PIP5K1B: variants seen among roughly 807,000 people sequenced by gnomAD.
PIP5K1B encodes phosphatidylinositol 4-phosphate 5-kinase type-1 beta.
A neutral mutation model predicts 67.0 loss-of-function variants in PIP5K1B; 42 were observed. That is an observed-to-expected ratio of 0.63 (90% CI 0.49 to 0.81). The LOEUF (loss-of-function observed/expected upper bound fraction) is 0.81, where lower values mean the gene tolerates loss of function less well. PIP5K1B is among the 30% of genes least tolerant of loss of function. The pLI is 0.00. For missense variants in PIP5K1B, 459 were observed against 646.3 expected (o/e 0.71, Z 3.14); for synonymous variants, 214 against 231.4 (o/e 0.92, Z 0.68).
Position 68,993,919 on chromosome 9 carries a change from C to T in PIP5K1B, c.1620+2662C>T, listed in dbSNP as rs187794216. ...TTATTGACCATAAATATAAGTCTCA[C>T]GTCCATCTCATTGGAATCATGTGTC... On this transcript the variant is annotated intron_variant, in intron 15 of 15. Transcript: ENST00000265382. Among the ~76,000 whole-genome samples the T allele has an allele frequency of 1.6e-3, 239 of 151,976 alleles. 4 individuals are homozygous for T. The highest frequency in any genetic ancestry group is 3.2e-4 in the Non-Finnish European group (22 of 67,998).
chr9:68,815,544 T>G (rs1015131650), intron 2 of PIP5K1B, among the ~76,000 whole-genome samples: 1 of 152,044 alleles, frequency 6.6e-6, no homozygotes, highest in East Asian at 1.9e-4. Flanking sequence ...TTTATGGCAA[T>G]AAAATTTGAA....
intron 6 of PIP5K1B, among the ~76,000 whole-genome samples, chr9:68,882,917 A>T (rs901759399): frequency 6.6e-6 from 1 of 152,182 alleles, no homozygotes; most frequent in Non-Finnish European, 1.5e-5. Context: ...CATGGGCAGT[A>T]GGCTGAGAAC....
chr9:68,707,795 A>G (rs1827193461), intron 1 of PIP5K1B: 1 of 152,200 alleles, frequency 6.6e-6, no homozygotes, highest in Non-Finnish European at 1.5e-5. Flanking sequence ...ACTGTTAAGC[A>G]TGCCCCCAGT....
intron 4 of PIP5K1B, among the ~76,000 whole-genome samples, chr9:68,842,688 G>T (rs975255975): frequency 1.3e-5 from 2 of 152,188 alleles, no homozygotes; most frequent in African/African-American, 4.8e-5. Flanking sequence ...TGGTTTTTAT[G>T]TCTGGAGGAA....
At chr9:68,925,451 T>C (rs1292019501) in intron 12 of PIP5K1B, among the ~76,000 whole-genome samples, 1 of 152,222 alleles carries the variant, frequency 6.6e-6, no homozygotes, top group East Asian at 1.9e-4. Context: ...TTATTTTGCA[T>C]GTAAGTACTG....
intron 1 of PIP5K1B, among the ~76,000 whole-genome samples, chr9:68,713,073 A>G (rs889849296): frequency 5.3e-5 from 8 of 152,232 alleles, no homozygotes; most frequent in Admixed American, 2.0e-4. Flanking sequence ...TCCTTAGACC[A>G]ACAGAGTCAT....
At chr9:68,810,434 C>G (rs932013910) in intron 2 of PIP5K1B, among the ~76,000 whole-genome samples, 8 of 152,194 alleles carry the variant, frequency 5.3e-5, no homozygotes, top group African/African-American at 1.9e-4. Flanking sequence ...CCAATTCATT[C>G]TTGTTGCTTC....
chr9:68,742,455 T>C (rs562875565), intron 1 of PIP5K1B, 46 bp from the exon 2 acceptor site: 1 of 152,320 alleles, frequency 6.6e-6, no homozygotes, highest in Non-Finnish European at 1.5e-5. Flanking sequence ...TATTCCCCTC[T>C]TCACCATGAT....
intron 14 of PIP5K1B, among the ~76,000 whole-genome samples, chr9:68,959,728 ATTTCC>A (rs750701336): frequency 2.6e-5 from 4 of 152,132 alleles, no homozygotes; most frequent in Admixed American, 1.3e-4. Flanking sequence ...GTTTCATTAT[ATTTCC>A]TTATACTTTT....
At chr9:68,996,668 C>T (rs1830613290) in intron 15 of PIP5K1B, among the ~76,000 whole-genome samples, 1 of 152,222 alleles carries the variant, frequency 6.6e-6, no homozygotes, top group African/African-American at 2.4e-5. Context: ...TCTAAGGCGG[C>T]TTCTTTGCCT....
At chr9:68,831,545 G>A (rs1012662918) in intron 4 of PIP5K1B, among the ~76,000 whole-genome samples, 1 of 152,176 alleles carries the variant, frequency 6.6e-6, no homozygotes, top group African/African-American at 2.4e-5. Flanking sequence ...CTGCATTATT[G>A]TCTGAATGCT....
chr9:68,963,895 A>C (rs1479684711), intron 14 of PIP5K1B: 5 of 152,186 alleles, frequency 3.3e-5, no homozygotes, highest in Non-Finnish European at 5.9e-5. Context: ...CAAATTCTTC[A>C]AGCCAAATTA....
intron 14 of PIP5K1B, among the ~76,000 whole-genome samples, chr9:68,958,163 A>G (rs984803638): frequency 1.3e-5 from 2 of 152,122 alleles, no homozygotes; most frequent in African/African-American, 2.4e-5. Context: ...ACGAGCCATC[A>G]CAACTGGCCA....
intron 1 of PIP5K1B, among the ~76,000 whole-genome samples, chr9:68,723,411 C>T (rs1198050280): frequency 6.6e-6 from 1 of 151,312 alleles, no homozygotes; most frequent in Non-Finnish European, 1.5e-5. Context: ...TTTTGAGGAA[C>T]TTACATCGTT....
intron 4 of PIP5K1B, among the ~76,000 whole-genome samples, chr9:68,859,644 G>A (rs1308745036): frequency 6.6e-6 from 1 of 152,144 alleles, no homozygotes; most frequent in Admixed American, 6.5e-5. Flanking sequence ...CCGTGTCACT[G>A]GTCTGTTGGT....
intron 4 of PIP5K1B, among the ~76,000 whole-genome samples, chr9:68,848,133 A>C (rs1466860665): frequency 6.6e-6 from 1 of 152,230 alleles, no homozygotes; most frequent in African/African-American, 2.4e-5. Flanking sequence ...ATTTTGTACA[A>C]GGCTTGGACT....
chr9:68,805,315 G>A (rs766352380), intron 2 of PIP5K1B, among the ~76,000 whole-genome samples: 8 of 152,162 alleles, frequency 5.3e-5, no homozygotes, highest in South Asian at 2.1e-4. Context: ...GCAAGGCCTC[G>A]AATACCTGGA....
intron 13 of PIP5K1B, 69 bp downstream of exon 13, chr9:68,935,114 A>G (rs1359833960): frequency 2.2e-6 from 3 of 1,354,158 alleles, no homozygotes; most frequent in Admixed American, 2.1e-5. Flanking sequence ...AAATTTGCAG[A>G]AGAAAAATTT....
At chr9:68,856,634 C>G (rs1443360631) in intron 4 of PIP5K1B, among the ~76,000 whole-genome samples, 1 of 152,212 alleles carries the variant, frequency 6.6e-6, no homozygotes. Flanking sequence ...TAGAAACTCC[C>G]ATGAGAGCAA....
Sources: allele counts gnomAD v4.1 joint callset (sites outside exome capture counted in the v4.1 genomes callset), GRCh38; gene constraint gnomAD v4.1.1; transcripts MANE v1.5; gene names NCBI Gene and HGNC (gene_info 2026-07-23, HGNC 2026-07-21).